The following SLC15A5 variants were observed in gnomAD, a reference collection of about 807,000 sequenced individuals.
SLC15A5 encodes the protein Peptide/histidine transporter ENSP00000340402.
SLC15A5 carries 58 observed loss-of-function variants against 56.1 expected under a neutral mutation model. The ratio of observed to expected loss-of-function variants is 1.03; its 90% confidence interval spans 0.84 to 1.29. The LOEUF (loss-of-function observed/expected upper bound fraction) is 1.29. Among genes scored for constraint, SLC15A5 ranks in the 50% most tolerant of loss-of-function variants. The pLI is 0.00. For synonymous variants in SLC15A5, 264 were observed against 250.5 expected, an observed-to-expected ratio of 1.05 and a Z score of -0.51; for missense variants, 681 against 672.1, an observed-to-expected ratio of 1.01 and a Z score of -0.15.
At position 16,269,245 on chromosome 12, in the gene SLC15A5, C is replaced by G. The variant is rs1332685529; in HGVS notation, c.584+3316G>C. The stretch of plus-strand genomic sequence containing the variant: ...CCTGTCCTCCCAGAAAATTCTGATC[C>G]AGGAGGTTCGAGGTGGGACCTGGGA... On this transcript the variant is annotated intron_variant, in intron 2 of 8. Transcript: ENST00000344941. This position sits in a 1 kb window ranked among gnomAD's most constrained non-coding sequence, Gnocchi z 4.7. Among the ~76,000 whole-genome samples, 2 of 152,110 alleles carry G rather than the reference C, an allele frequency of 1.3e-5. No homozygotes were observed. The highest frequency in any genetic ancestry group is 4.8e-5 in the African/African-American group (2 of 41,422).
chr12:16,253,905 C>T (rs924784180), intron 3 of SLC15A5, among the ~76,000 whole-genome samples: 5 of 152,070 alleles, frequency 3.3e-5, no homozygotes, highest in Non-Finnish European at 5.9e-5. Context: ...AGAATTACTA[C>T]TATATGATTC....
intron 2 of SLC15A5, among the ~76,000 whole-genome samples, chr12:16,262,620 A>C (rs1324991401): frequency 6.6e-6 from 1 of 152,272 alleles, no homozygotes; most frequent in African/African-American, 2.4e-5. Context: ...GAACAAAAAT[A>C]GCAGTGAAGT....
intron 7 of SLC15A5, among the ~76,000 whole-genome samples, chr12:16,201,833 A>C (rs1328577448): frequency 1.3e-5 from 2 of 152,146 alleles, no homozygotes; most frequent in Non-Finnish European, 2.9e-5. Flanking sequence ...TTATAGCAAT[A>C]TGAAAACGGA....
intron 4 of SLC15A5, among the ~76,000 whole-genome samples, chr12:16,244,009 T>G (rs1480760242): frequency 6.6e-6 from 1 of 152,238 alleles, no homozygotes; most frequent in Non-Finnish European, 1.5e-5. Context: ...TTAAAAAAAT[T>G]TAAAATCACA....
intron 3 of SLC15A5, among the ~76,000 whole-genome samples, chr12:16,248,579 C>A (rs1445955839): frequency 2.6e-5 from 4 of 152,034 alleles, no homozygotes; most frequent in Non-Finnish European, 4.4e-5. Context: ...ATCTGTCTAC[C>A]CAAAGGGAGT....
chr12:16,193,571 A>G (rs1220166278), intron 8 of SLC15A5, among the ~76,000 whole-genome samples: 1 of 152,018 alleles, frequency 6.6e-6, no homozygotes, highest in Non-Finnish European at 1.5e-5. Flanking sequence ...TGACTAAATG[A>G]CTAAAGAGAT....
chr12:16,245,170 A>G (rs929458068), intron 3 of SLC15A5, among the ~76,000 whole-genome samples: 4 of 152,222 alleles, frequency 2.6e-5, no homozygotes, highest in Non-Finnish European at 5.9e-5. Context: ...TCCTTAACAC[A>G]AAGAACTAGT....
At chr12:16,267,187 A>ATGTGTGC (rs1415749234) in intron 2 of SLC15A5, among the ~76,000 whole-genome samples, 1 of 120,438 alleles carries the variant, frequency 8.3e-6, no homozygotes. Context: ...TCTTCATAGC[A>ATGTGTGC]TTAGTGTACC....
At chr12:16,218,306 T>C (rs943035963) in intron 6 of SLC15A5, among the ~76,000 whole-genome samples, 2 of 152,206 alleles carry the variant, frequency 1.3e-5, no homozygotes, top group Non-Finnish European at 2.9e-5. Context: ...CTAATATTCC[T>C]CTTACTCTTT....
chr12:16,190,437 C>T (rs1863829419), intron 8 of SLC15A5, among the ~76,000 whole-genome samples: 1 of 152,148 alleles, frequency 6.6e-6, no homozygotes, highest in South Asian at 2.1e-4. Flanking sequence ...TATTCTGAAT[C>T]CTGGCGCTTT....
intron 7 of SLC15A5, 31 bp downstream of exon 7, chr12:16,216,862 G>A (rs1298456373): frequency 6.6e-7 from 1 of 1,524,744 alleles, no homozygotes; most frequent in Admixed American, 2.0e-5. Context: ...TCAACTCAAT[G>A]TATATAAGCA....
intron 6 of SLC15A5, among the ~76,000 whole-genome samples, chr12:16,221,644 A>G (rs1056576243): frequency 2.0e-5 from 3 of 152,168 alleles, no homozygotes; most frequent in African/African-American, 7.2e-5. Context: ...TGGAATTTCA[A>G]TCAGGGGAAT....
At position 16,239,869 on chromosome 12, in the gene SLC15A5, T is replaced by A. The variant is rs1021488841; in HGVS notation, c.976-2A>T. The A allele has an allele frequency of 4.6e-6, 7 of 1,535,554 alleles. No individual in the cohort carries two copies. In the African/African-American group the frequency reaches 6.8e-5, roughly 15 times the overall value. ...TTGCAGATAATATCCTGAAGGAATC[T>A]GTATTCGAGAGGGAAACATCCATGC... On this transcript the variant is annotated splice_acceptor_variant, in intron 4 of 8. Transcript: ENST00000344941. LOFTEE classifies it high-confidence loss of function.
intron 7 of SLC15A5, among the ~76,000 whole-genome samples, chr12:16,211,174 G>C (rs910445009): frequency 9.2e-5 from 14 of 152,170 alleles, no homozygotes; most frequent in African/African-American, 3.4e-4. Flanking sequence ...ATTTGAGGAA[G>C]CGTATCTCTT....
intron 7 of SLC15A5, among the ~76,000 whole-genome samples, chr12:16,208,696 TA>T (rs982394907): frequency 6.6e-6 from 1 of 151,926 alleles, no homozygotes; most frequent in African/African-American, 2.4e-5. Flanking sequence ...AATAAAATAA[TA>T]AAAAAGTATC....
intron 5 of SLC15A5, among the ~76,000 whole-genome samples, chr12:16,233,803 G>A (rs778469113): frequency 2.6e-5 from 4 of 152,090 alleles, no homozygotes; most frequent in Non-Finnish European, 5.9e-5. Context: ...GCTCTGCTCC[G>A]GAACTACTGA....
chr12:16,269,075 T>C lies in SLC15A5; in HGVS notation c.584+3486A>G, dbSNP rs1405790403. On this transcript the variant is annotated intron_variant, in intron 2 of 8. Transcript: ENST00000344941. The surrounding 1 kb of genome is among the most constrained non-coding windows in gnomAD (Gnocchi z 4.7). ...AGTCTTACAGCCAGGAAGAGAACCC[T>C]CACCAGAACCCTGATCTCAGAATTC... 6.6e-6 allele frequency among the ~76,000 whole-genome samples: 1 copy of C among 151,958 alleles called. No individual in the cohort carries two copies.
chr12:16,276,522 T>G (rs1174033542), intron 1 of SLC15A5, among the ~76,000 whole-genome samples: 1 of 152,046 alleles, frequency 6.6e-6, no homozygotes, highest in Non-Finnish European at 1.5e-5. Flanking sequence ...TGAGATTTTC[T>G]GATCTCTCTC....
intron 7 of SLC15A5, among the ~76,000 whole-genome samples, chr12:16,213,327 T>G (rs1203960686): frequency 6.6e-6 from 1 of 152,200 alleles, no homozygotes; most frequent in Admixed American, 6.5e-5. Flanking sequence ...TTATTATCAT[T>G]ACTGAAATAG....
Sources: allele counts gnomAD v4.1 joint callset (sites outside exome capture counted in the v4.1 genomes callset), GRCh38; gene constraint gnomAD v4.1.1; non-coding constraint Gnocchi (gnomAD v3.1); transcripts MANE v1.5; gene names NCBI Gene and HGNC (gene_info 2026-07-23, HGNC 2026-07-21).